RBFOX1: variants seen among roughly 807,000 people sequenced by gnomAD.
The protein encoded by RBFOX1 is RNA binding protein fox-1 homolog 1.
A neutral mutation model predicts 57.7 loss-of-function variants in RBFOX1; 8 were observed. That is an observed-to-expected ratio of 0.14 (90% CI 0.08 to 0.25). The LOEUF (loss-of-function observed/expected upper bound fraction) is 0.25. RBFOX1 is among the 10% of genes least tolerant of loss of function. The pLI, the probability that RBFOX1 is intolerant of heterozygous loss-of-function variation, is 1.00. For missense variants in RBFOX1, 611 were observed against 548.5 expected, an observed-to-expected ratio of 1.11 and a Z score of -1.14; for synonymous variants, 326 against 222.4, an observed-to-expected ratio of 1.47 and a Z score of -4.15.
intron 2 of RBFOX1, among the ~76,000 whole-genome samples, chr16:6,514,422 C>A (rs1366549307): frequency 6.6e-6 from 1 of 152,162 alleles, no homozygotes; most frequent in Non-Finnish European, 1.5e-5. Flanking sequence ...TGCTATGCTC[C>A]TTTAAGTGCC....
intron 2 of RBFOX1, among the ~76,000 whole-genome samples, chr16:5,470,534 A>C (rs1050746327): frequency 4.6e-5 from 7 of 152,074 alleles, no homozygotes; most frequent in Non-Finnish European, 8.8e-5. Flanking sequence ...TTTCTATCTC[A>C]GGGCTGTCAA....
At chr16:5,404,443 T>G (rs947411103) in intron 1 of RBFOX1, among the ~76,000 whole-genome samples, 1 of 152,130 alleles carries the variant, frequency 6.6e-6, no homozygotes, top group African/African-American at 2.4e-5. Context: ...CACTGTCACT[T>G]AGAGAAAGTT....
chr16:6,839,828 C>G (rs982188368), intron 3 of RBFOX1, among the ~76,000 whole-genome samples: 1 of 152,212 alleles, frequency 6.6e-6, no homozygotes, highest in Non-Finnish European at 1.5e-5. Flanking sequence ...GTACTCATAG[C>G]TATAATCATA....
chr16:7,307,646 T>G (rs545526440), intron 4 of RBFOX1, among the ~76,000 whole-genome samples: 5 of 152,364 alleles, frequency 3.3e-5, no homozygotes, highest in African/African-American at 9.6e-5. Context: ...AGTTTAGAGC[T>G]GCAAGGTGGG....
At chr16:6,744,593 C>A (rs544303973) in intron 3 of RBFOX1, among the ~76,000 whole-genome samples, 3 of 151,886 alleles carry the variant, frequency 2.0e-5, no homozygotes, top group African/African-American at 2.4e-5. Context: ...AATAAATAAC[C>A]TGTGGATCGA....
chr16:7,612,210 A>G (rs999970602), intron 10 of RBFOX1, among the ~76,000 whole-genome samples: 2 of 151,052 alleles, frequency 1.3e-5, no homozygotes, highest in Non-Finnish European at 2.9e-5. Flanking sequence ...AGTCCCAGCT[A>G]CTTGGGAGGC....
intron 4 of RBFOX1, among the ~76,000 whole-genome samples, chr16:7,407,849 C>G (rs2098373062): frequency 6.6e-6 from 1 of 152,054 alleles, no homozygotes; most frequent in African/African-American, 2.4e-5. Context: ...GGCCCTGGGA[C>G]CTAATCTGGC....
At chr16:6,298,265 G>A (rs1256723948) in intron 1 of RBFOX1, among the ~76,000 whole-genome samples, 2 of 152,138 alleles carry the variant, frequency 1.3e-5, no homozygotes, top group African/African-American at 4.8e-5. Flanking sequence ...TTGTTTCAAT[G>A]GTAGTGTCTG....
At chr16:6,051,882 T>C (rs72772821) in intron 1 of RBFOX1, among the ~76,000 whole-genome samples, 28,708 of 152,054 alleles carry the variant, frequency 0.19, 2,790 homozygotes, top group East Asian at 0.31. Flanking sequence ...TTCTTTTATT[T>C]ATCTTTCTTC....
intron 3 of RBFOX1, among the ~76,000 whole-genome samples, chr16:6,830,650 C>T (rs1165106263): frequency 6.6e-6 from 1 of 152,158 alleles, no homozygotes; most frequent in Non-Finnish European, 1.5e-5. Context: ...TAGAACAGCT[C>T]TTACACAAAG....
intron 2 of RBFOX1, among the ~76,000 whole-genome samples, chr16:6,326,761 T>C (rs1567943301): frequency 1.3e-5 from 2 of 152,074 alleles, no homozygotes; most frequent in South Asian, 2.1e-4. Context: ...TTCAAGCAGA[T>C]TGACTAGTGA....
At chr16:6,106,666 C>T (rs1209762229) in intron 1 of RBFOX1, among the ~76,000 whole-genome samples, 2 of 151,926 alleles carry the variant, frequency 1.3e-5, no homozygotes, top group Non-Finnish European at 2.9e-5. Flanking sequence ...TAAAATGACT[C>T]TCCTTCTTTT....
chr16:5,780,150 G>T (rs781174916), intron 3 of RBFOX1, among the ~76,000 whole-genome samples: 1 of 152,136 alleles, frequency 6.6e-6, no homozygotes, highest in Admixed American at 6.5e-5. Flanking sequence ...CTACAAGTGC[G>T]TGACACCAGG....
chr16:6,669,412 G>C (rs1012061483), intron 3 of RBFOX1, among the ~76,000 whole-genome samples: 7 of 152,112 alleles, frequency 4.6e-5, no homozygotes, highest in African/African-American at 1.7e-4. Context: ...TCTTTTTACT[G>C]TGGCCATCTT....
intron 1 of RBFOX1, among the ~76,000 whole-genome samples, chr16:6,132,537 G>T (rs1352101430): frequency 6.6e-6 from 1 of 152,132 alleles, no homozygotes; most frequent in Admixed American, 6.6e-5. Context: ...TTCCTGACCA[G>T]TACGGTACCT....
At chr16:6,676,906 C>T (rs1017724986) in intron 3 of RBFOX1, among the ~76,000 whole-genome samples, 1 of 151,924 alleles carries the variant, frequency 6.6e-6, no homozygotes, top group Admixed American at 6.6e-5. Context: ...GAACCCTTGA[C>T]CTCAGGTGAT....
chr16:7,474,913 A>G (rs2062324338), intron 4 of RBFOX1, among the ~76,000 whole-genome samples: 1 of 152,146 alleles, frequency 6.6e-6, no homozygotes, highest in Non-Finnish European at 1.5e-5. Context: ...TATATTTTCC[A>G]ATATTTATGG....
rs143972076 is a variant in RBFOX1, at chr16:6,247,560, C to G, written c.-126-69435C>G. Among the ~76,000 whole-genome samples, 269 of 152,278 alleles carry G rather than the reference C, an allele frequency of 1.8e-3. 2 individuals are homozygous for G. The highest frequency in any genetic ancestry group is 4.7e-3 in the African/African-American group (194 of 41,552). ...ATGTTGAATGCTTAGTCTGTATAGCCTGTTGTGCCAAGCTTTGTGCAAGAA... is the reference window on the plus strand; with the variant it reads ...ATGTTGAATGCTTAGTCTGTATAGCGTGTTGTGCCAAGCTTTGTGCAAGAA... On this transcript the variant is annotated intron_variant, in intron 1 of 15. Coordinates refer to ENST00000550418, the MANE Select transcript of RBFOX1 (RefSeq NM_018723.4).
At chr16:6,997,266 C>G (rs1177106378) in intron 3 of RBFOX1, among the ~76,000 whole-genome samples, 2 of 151,896 alleles carry the variant, frequency 1.3e-5, no homozygotes, top group Non-Finnish European at 2.9e-5. Flanking sequence ...ACTTCTCCTT[C>G]TAGTAAAAAA....
Sources: gnomAD v4.1 joint callset for allele counts (sites outside exome capture counted in the v4.1 genomes callset) on GRCh38, gnomAD v4.1.1 for gene constraint, MANE v1.5 for transcripts, NCBI Gene and HGNC (gene_info 2026-07-23, HGNC 2026-07-21) for gene names.